Variants in GRM8 observed in about 807,000 individuals in gnomAD.
GRM8 encodes the protein metabotropic glutamate receptor 8.
A neutral mutation model predicts 87.2 loss-of-function variants in GRM8; 47 were observed. That is an observed-to-expected ratio of 0.54 (90% CI 0.43 to 0.69). The LOEUF is 0.69. Among genes scored for constraint, GRM8 ranks in the 30% least tolerant of loss-of-function variants. The pLI is 0.00. For missense variants in GRM8, 1,019 were observed against 1,139.2 expected, an observed-to-expected ratio of 0.89 and a Z score of 1.52; for synonymous variants, 396 against 404.5, an observed-to-expected ratio of 0.98 and a Z score of 0.25.
chr7:127,127,796 G>T (rs929085052), intron 2 of GRM8, among the ~76,000 whole-genome samples: 1 of 151,958 alleles, frequency 6.6e-6, no homozygotes, highest in South Asian at 2.1e-4. Flanking sequence ...ATTTAATAAA[G>T]ATTTTTTTAA....
At chr7:126,939,175 T>A (rs1159464782) in intron 3 of GRM8, among the ~76,000 whole-genome samples, 1 of 152,162 alleles carries the variant, frequency 6.6e-6, no homozygotes, top group Non-Finnish European at 1.5e-5. Context: ...GCCCAGTGCC[T>A]TGAGTTTTAA....
chr7:126,670,113 G>T (rs1181395128), intron 7 of GRM8, among the ~76,000 whole-genome samples: 1 of 152,082 alleles, frequency 6.6e-6, no homozygotes, highest in African/African-American at 2.4e-5. Flanking sequence ...AAATTTCTGA[G>T]TCATTTTGGC....
intron 6 of GRM8, among the ~76,000 whole-genome samples, chr7:126,861,108 C>T (rs1196313156): frequency 7.9e-5 from 12 of 152,050 alleles, no homozygotes; most frequent in Admixed American, 7.9e-4. Flanking sequence ...TCATGTACCA[C>T]CAAAAATTAA....
chr7:126,495,815 G>A (rs1293352359), intron 9 of GRM8, among the ~76,000 whole-genome samples: 1 of 152,080 alleles, frequency 6.6e-6, no homozygotes, highest in South Asian at 2.1e-4. Flanking sequence ...ATTTAAATAT[G>A]CATAAATGTG....
At chr7:126,681,000 CATTT>C (rs1807504288) in intron 7 of GRM8, among the ~76,000 whole-genome samples, 1 of 152,110 alleles carries the variant, frequency 6.6e-6, no homozygotes, top group Non-Finnish European at 1.5e-5. Context: ...AACCAAAATA[CATTT>C]ATTTTTAGAG....
At chr7:126,953,158 A>G (rs1808334370) in intron 3 of GRM8, among the ~76,000 whole-genome samples, 1 of 152,114 alleles carries the variant, frequency 6.6e-6, no homozygotes, top group South Asian at 2.1e-4. Flanking sequence ...GCTTTTTGGA[A>G]AAGTAAATCT....
chr7:126,892,294 A>G (rs1329387192), intron 6 of GRM8, among the ~76,000 whole-genome samples: 2 of 151,356 alleles, frequency 1.3e-5, no homozygotes, highest in African/African-American at 4.9e-5. Context: ...CCCTCCCCAA[A>G]CCCCACAACG....
In GRM8 at chr7:126,454,897, ATTG is replaced by A. The variant is rs201499630; in HGVS notation, c.2431-8528_2431-8526del. On this transcript the variant is annotated intron_variant, in intron 9 of 10. Transcript: ENST00000339582. ...CAGCAGTATGAGGAAATTGATTTCT[ATTG>A]TTTAAACCACCCTGTGTGTGATACA... is the stretch of plus-strand genomic sequence containing the variant. 7.5e-3 allele frequency among the ~76,000 whole-genome samples: 1,134 copies of A among 151,800 alleles called. 13 individuals are homozygous for A. The highest frequency in any genetic ancestry group is 0.026 in the African/African-American group (1,059 of 41,482).
intron 2 of GRM8, among the ~76,000 whole-genome samples, chr7:127,108,629 A>G (rs1004348102): frequency 2.6e-5 from 4 of 152,216 alleles, no homozygotes; most frequent in Admixed American, 2.6e-4. Flanking sequence ...AAATGAGCAG[A>G]AAGTGTGAAA....
intron 3 of GRM8, among the ~76,000 whole-genome samples, chr7:127,052,103 GA>G (rs1327423637): frequency 2.6e-5 from 4 of 151,266 alleles, no homozygotes; most frequent in Non-Finnish European, 5.9e-5. Context: ...TTTTTGATAA[GA>G]AAAAAAAATC....
chr7:127,034,973 G>T (rs17867737), intron 3 of GRM8, among the ~76,000 whole-genome samples: 1 of 152,114 alleles, frequency 6.6e-6, no homozygotes, highest in Non-Finnish European at 1.5e-5. Context: ...TTAAAAGCTA[G>T]GAAAGTGAGC....
intron 3 of GRM8, among the ~76,000 whole-genome samples, chr7:127,012,605 C>T (rs1468766189): frequency 6.6e-6 from 1 of 152,012 alleles, no homozygotes; most frequent in African/African-American, 2.4e-5. Context: ...CAATGTTTTT[C>T]CTTCAGTTCA....
At chr7:126,887,073 G>T (rs928152686) in intron 6 of GRM8, among the ~76,000 whole-genome samples, 3 of 152,072 alleles carry the variant, frequency 2.0e-5, no homozygotes, top group African/African-American at 7.2e-5. Context: ...TCTCAAAAAG[G>T]AAGTTTTCAT....
At chr7:127,206,208 C>T (rs145422696) in intron 2 of GRM8, among the ~76,000 whole-genome samples, 106 of 152,332 alleles carry the variant, frequency 7.0e-4, no homozygotes, top group African/African-American at 2.5e-3. Context: ...ACAGTCACAC[C>T]AGTCCAGCAA....
intron 3 of GRM8, among the ~76,000 whole-genome samples, chr7:127,064,806 A>AC (rs1229645227): frequency 2.3e-4 from 35 of 152,336 alleles, no homozygotes; most frequent in African/African-American, 7.9e-4. Flanking sequence ...ACTAATCAAA[A>AC]CCACAGTGAG....
chr7:127,059,343 T>TG (rs1820376583), intron 3 of GRM8, among the ~76,000 whole-genome samples: 3 of 149,388 alleles, frequency 2.0e-5, no homozygotes. Context: ...TTTTTTTTTT[T>TG]TTGTTTTTTT....
At position 126,483,674 on chromosome 7, in the gene GRM8, T is replaced by C. The variant is rs958191062; in HGVS notation, c.2431-37302A>G. Among the ~76,000 whole-genome samples, 8 of 150,858 alleles carry C rather than the reference T, an allele frequency of 5.3e-5. No homozygotes were observed. The East Asian group carries it at 1.6e-3, about 30-fold the overall frequency. On this transcript the variant is annotated intron_variant, in intron 9 of 10. Coordinates refer to ENST00000339582, the MANE Select transcript of GRM8 (RefSeq NM_000845.3). ...ATAACTAGACTTGAGCAGCAGTCAC[T>C]ACAATGTTTATCACAGGTATTTTAT... is the stretch of plus-strand genomic sequence containing the variant.
intron 7 of GRM8, among the ~76,000 whole-genome samples, chr7:126,617,616 A>G (rs1799651936): frequency 6.6e-6 from 1 of 152,210 alleles, no homozygotes; most frequent in Non-Finnish European, 1.5e-5. Context: ...ATGATTGTAT[A>G]TTTAGAAAAC....
At chr7:126,504,804 G>A (rs1162989102) in intron 9 of GRM8, among the ~76,000 whole-genome samples, 2 of 151,956 alleles carry the variant, frequency 1.3e-5, no homozygotes, top group Admixed American at 1.3e-4. Flanking sequence ...ATATTTACCA[G>A]TGTTTACACA....
Sources: gnomAD v4.1 joint callset for allele counts (sites outside exome capture counted in the v4.1 genomes callset) on GRCh38, gnomAD v4.1.1 for gene constraint, MANE v1.5 for transcripts, NCBI Gene and HGNC (gene_info 2026-07-23, HGNC 2026-07-21) for gene names.